Variants in MKRN2 observed in about 807,000 individuals in gnomAD.
MKRN2 encodes the protein E3 ubiquitin-protein ligase makorin-2.
Under a neutral mutation model 45.4 loss-of-function variants are expected in MKRN2, and 32 were observed. That is an observed-to-expected ratio of 0.70 (90% CI 0.53 to 0.95). MKRN2 has a LOEUF of 0.95. Ranked by LOEUF, MKRN2 falls within the 40% of genes least tolerant of loss-of-function variation. The pLI is 0.00. For missense variants in MKRN2, 526 were observed against 536.7 expected, an observed-to-expected ratio of 0.98 and a Z score of 0.20; for synonymous variants, 206 against 192.4, an observed-to-expected ratio of 1.07 and a Z score of -0.59.
chr3:12,567,910 T>A (rs988782105), intron 1 of MKRN2, among the ~76,000 whole-genome samples: 1 of 152,196 alleles, frequency 6.6e-6, no homozygotes, highest in Non-Finnish European at 1.5e-5. Flanking sequence ...TACCACTTAT[T>A]CTTCAAGGCC....
At chr3:12,575,120 G>A (rs2058123649) in intron 5 of MKRN2, 114 bp downstream of exon 5, 4 of 939,894 alleles carry the variant, frequency 4.3e-6, no homozygotes, top group Admixed American at 2.7e-5. Flanking sequence ...GTGAGTTCTG[G>A]CCCCTGGCTG....
intron 4 of MKRN2, among the ~76,000 whole-genome samples, chr3:12,572,999 G>T (rs1181230466): frequency 6.6e-6 from 1 of 152,222 alleles, no homozygotes; most frequent in African/African-American, 2.4e-5. Flanking sequence ...TATGTCGTCT[G>T]TGTGTATGTC....
chr3:12,578,208 T>C (rs2058154425), intron 6 of MKRN2, among the ~76,000 whole-genome samples: 1 of 152,112 alleles, frequency 6.6e-6, no homozygotes, highest in South Asian at 2.1e-4. Flanking sequence ...TTCCTTGAAC[T>C]CTTGTCTTTT....
In MKRN2 at chr3:12,557,295, C is replaced by A; in HGVS notation, c.26+119C>A. The A allele has an allele frequency of 3.0e-6, 4 of 1,329,160 alleles. No homozygotes were observed. In the South Asian group the frequency reaches 4.4e-5, roughly 14 times the overall value. The allele number at this position is 1,329,160 out of a possible 1,614,324, so 82.3% of individuals were successfully genotyped here. ...GAGCGGGACTCGGAAAGTTACTCGG[C>A]TGTTCGCGGCGGGGCTTTGCGAGGC... is the stretch of plus-strand genomic sequence containing the variant. On this transcript the variant is annotated intron_variant, in intron 1 of 7. Transcript: ENST00000170447.
chr3:12,570,284 T>C (rs772493620), intron 3 of MKRN2, 32 bp downstream of exon 3: 1 of 1,595,064 alleles, frequency 6.3e-7, no homozygotes, highest in African/African-American at 1.3e-5. Flanking sequence ...GTTGCGTCTT[T>C]TTGCATAGCA....
At chr3:12,566,490 T>C (rs942812305) in intron 1 of MKRN2, among the ~76,000 whole-genome samples, 7 of 152,234 alleles carry the variant, frequency 4.6e-5, no homozygotes, top group Non-Finnish European at 1.0e-4. Flanking sequence ...TTCTATTCTG[T>C]GTCTTCAAGT....
intron 1 of MKRN2, among the ~76,000 whole-genome samples, chr3:12,565,133 A>G (rs2058061717): frequency 6.6e-6 from 1 of 152,236 alleles, no homozygotes; most frequent in Non-Finnish European, 1.5e-5. Context: ...TCTTGGGTAC[A>G]TACCTAGGCG....
chr3:12,572,026 TG>T (rs754200402), intron 3 of MKRN2, 42 bp from the exon 4 acceptor site: 20 of 1,517,030 alleles, frequency 1.3e-5, no homozygotes, highest in Non-Finnish European at 1.7e-5. Context: ...ACCAGAAAAA[TG>T]GGGCCATTTT....
intron 1 of MKRN2, 66 bp from the exon 2 acceptor site, chr3:12,568,809 G>T (rs2058082750): frequency 1.3e-6 from 2 of 1,575,378 alleles, no homozygotes; most frequent in African/African-American, 1.3e-5. Flanking sequence ...CTAAGTTCAA[G>T]AATAAGCTGA....
intron 1 of MKRN2, among the ~76,000 whole-genome samples, chr3:12,558,507 C>T (rs1053503783): frequency 1.3e-5 from 2 of 152,154 alleles, no homozygotes; most frequent in African/African-American, 4.8e-5. Flanking sequence ...TCCCGTACCT[C>T]ATCTAAGAAG....
At position 12,576,892 on chromosome 3, in the gene MKRN2, A is replaced by G. The variant is rs181436820; in HGVS notation, c.968+151A>G. 1.6e-4 allele frequency: 64 copies of G among 405,528 alleles called. No homozygotes were observed. The East Asian group carries it at 2.0e-3, about 13-fold the overall frequency. 25.1% of individuals were successfully genotyped at this position (405,528 alleles called of 1,614,324 possible). A position where few individuals can be genotyped will look rare whatever the true frequency, so the allele number is the denominator to read the frequency against. On this transcript the variant is annotated intron_variant, in intron 6 of 7. Coordinates refer to ENST00000170447, the MANE Select transcript of MKRN2 (RefSeq NM_014160.5). ...CCATGCTGGGCTCTGGGATGCAGCAATGAGCAAGGACATGGTGATGTGGAC... is the reference window on the plus strand; with the variant it reads ...CCATGCTGGGCTCTGGGATGCAGCAGTGAGCAAGGACATGGTGATGTGGAC...
intron 3 of MKRN2, among the ~76,000 whole-genome samples, chr3:12,571,850 T>C (rs576738011): frequency 6.6e-6 from 1 of 151,738 alleles, no homozygotes; most frequent in South Asian, 2.1e-4. Context: ...GCCATTTTTG[T>C]TTTTTGTTTT....
In MKRN2 at chr3:12,568,889, GTGTGTGTCGGGAAGGAAGTCAGTGCCTA is replaced by G; in HGVS notation, c.43_70del (p.Val15SerfsTer69). ...TGTCTCTGCAGGTATTTTATGCATG[GTGTGTGTCGGGAAGGAAGTCAGTGCCTA>G]TTCTCACATGACTTGGCAAACAGCA... is the stretch of plus-strand genomic sequence containing the variant. On this transcript the variant is annotated frameshift_variant, in exon 2 of 8. Coordinates refer to ENST00000170447, the MANE Select transcript of MKRN2 (RefSeq NM_014160.5). LOFTEE classifies it high-confidence loss of function. 6.2e-7 allele frequency: 1 copy of G among 1,613,644 alleles called. No individual in the cohort carries two copies.
In MKRN2 at chr3:12,574,955, C is replaced by A. The variant is rs1436642457; in HGVS notation, c.806C>A (p.Ser269Tyr). The A allele has an allele frequency of 6.2e-7, 1 of 1,614,244 alleles. No individual in the cohort carries two copies. The highest frequency in any genetic ancestry group is 2.2e-5 in the East Asian group (1 of 44,892). Residue 269 changes from serine to tyrosine, a missense_variant, in exon 5 of 8, where the codon TCC becomes TAC. Coordinates refer to ENST00000170447, the MANE Select transcript of MKRN2 (RefSeq NM_014160.5). ...LSNCNHTYCL[S>Y]CIRQWRCAKQ... ...AATTGCAATCACACGTACTGTTTGT[C>A]CTGCATCCGGCAGTGGCGGTGTGCC...
chr3:12,576,931 GTGTT>G, intron 6 of MKRN2, 190 bp downstream of exon 6: 1 of 122,144 alleles, frequency 8.2e-6, no homozygotes. Flanking sequence ...TTTAGTTTTG[GTGTT>G]TTTTTTTTTT....
In MKRN2 at chr3:12,568,917, A is replaced by G. The variant is rs35388688; in HGVS notation, c.69A>G (p.Leu23=). 3,388 of 1,614,116 alleles carry G rather than the reference A, an allele frequency of 2.1e-3. 58 individuals carry two copies. The African/African-American group carries it at 0.04, about 19-fold the overall frequency. The stretch of plus-strand genomic sequence containing the variant: ...TGTGTCGGGAAGGAAGTCAGTGCCT[A>G]TTCTCACATGACTTGGCAAACAGCA... ...HGVCREGSQC[L]FSHDLANSKP... Residue 23 remains leucine (L), a synonymous_variant, in exon 2 of 8, where the codon CTA becomes CTG. Coordinates refer to ENST00000170447, the MANE Select transcript of MKRN2 (RefSeq NM_014160.5).
At chr3:12,572,672 T>G (rs1414283658) in intron 4 of MKRN2, among the ~76,000 whole-genome samples, 16 of 151,898 alleles carry the variant, frequency 1.1e-4, no homozygotes, top group Admixed American at 1.1e-3. Flanking sequence ...CAACCTCTGC[T>G]TCCCTGGCTC....
chr3:12,567,672 G>A (rs979177938), intron 1 of MKRN2, among the ~76,000 whole-genome samples: 4 of 151,638 alleles, frequency 2.6e-5, no homozygotes, highest in Admixed American at 1.3e-4. Flanking sequence ...ATTTTTTTTA[G>A]TAGAGACGGG....
intron 5 of MKRN2, among the ~76,000 whole-genome samples, chr3:12,575,685 A>G (rs547308442): frequency 2.0e-4 from 31 of 152,334 alleles, no homozygotes; most frequent in Admixed American, 7.8e-4. Context: ...CTATTGAGAT[A>G]AAAGCCCACA....
Sources: allele counts gnomAD v4.1 joint callset (sites outside exome capture counted in the v4.1 genomes callset), GRCh38; gene constraint gnomAD v4.1.1; transcripts MANE v1.5; gene names NCBI Gene and HGNC (gene_info 2026-07-23, HGNC 2026-07-21).